The following ARHGAP15 variants were observed in gnomAD, a reference collection of about 807,000 sequenced individuals.
ARHGAP15 encodes rho GTPase-activating protein 15.
In ARHGAP15, 51 loss-of-function variants were observed where a neutral mutation model predicts 63.7. The ratio of observed to expected loss-of-function variants is 0.80; its 90% CI spans 0.64 to 1.01. The LOEUF is 1.01. ARHGAP15 is among the 50% of genes least tolerant of loss of function. ARHGAP15 has a pLI of 0.00. For synonymous variants in ARHGAP15, 191 were observed against 193.8 expected (o/e 0.99, Z 0.12); for missense variants, 560 against 564.6 (o/e 0.99, Z 0.08).
At chr2:143,523,885 G>T (rs924660859) in intron 10 of ARHGAP15, among the ~76,000 whole-genome samples, 3 of 152,120 alleles carry the variant, frequency 2.0e-5, no homozygotes, top group African/African-American at 7.2e-5. Flanking sequence ...ATTAGGAAGA[G>T]AAATTGTATG....
chr2:143,631,852 CTTCACGTGGACTAATACTATT>C (rs1271509984), intron 12 of ARHGAP15, among the ~76,000 whole-genome samples: 3 of 145,660 alleles, frequency 2.1e-5, no homozygotes, highest in African/African-American at 7.4e-5. Flanking sequence ...CTTGCTGTGC[CTTCACGTGGACTAATACTATT>C]TTCTTCAACA....
chr2:143,576,959 T>C (rs978495996), intron 11 of ARHGAP15, among the ~76,000 whole-genome samples: 1 of 152,160 alleles, frequency 6.6e-6, no homozygotes, highest in Admixed American at 6.6e-5. Flanking sequence ...TCTTTCTGTC[T>C]ACAAAGCTGT....
intron 6 of ARHGAP15, among the ~76,000 whole-genome samples, chr2:143,272,363 G>T (rs2105054922): frequency 6.6e-6 from 1 of 152,208 alleles, no homozygotes; most frequent in East Asian, 1.9e-4. Context: ...AGGCACAGTG[G>T]CTCACTCCTG....
chr2:143,290,768 T>C (rs779401992), intron 6 of ARHGAP15, among the ~76,000 whole-genome samples: 2 of 152,004 alleles, frequency 1.3e-5, no homozygotes, highest in Non-Finnish European at 2.9e-5. Context: ...TCAAATACTT[T>C]TTAACAGTAA....
intron 9 of ARHGAP15, among the ~76,000 whole-genome samples, chr2:143,517,568 C>T (rs1370851485): frequency 1.3e-5 from 2 of 152,130 alleles, no homozygotes; most frequent in East Asian, 3.8e-4. Context: ...TGTCTAGGTA[C>T]TCAGGATCCA....
At chr2:143,332,844 A>G (rs1443754964) in intron 6 of ARHGAP15, among the ~76,000 whole-genome samples, 1 of 152,106 alleles carries the variant, frequency 6.6e-6, no homozygotes, top group Non-Finnish European at 1.5e-5. Flanking sequence ...TAAGTGTCAA[A>G]TATTATTAGT....
chr2:143,307,156 G>A (rs1683211746), intron 6 of ARHGAP15, among the ~76,000 whole-genome samples: 1 of 152,024 alleles, frequency 6.6e-6, no homozygotes, highest in Non-Finnish European at 1.5e-5. Context: ...CCCTTTTTCT[G>A]GGGAAGGGCT....
intron 6 of ARHGAP15, among the ~76,000 whole-genome samples, chr2:143,398,833 A>T (rs1687879638): frequency 6.6e-6 from 1 of 150,854 alleles, no homozygotes; most frequent in Non-Finnish European, 1.5e-5. Flanking sequence ...TGACCTGGCT[A>T]GACAGATAAT....
intron 5 of ARHGAP15, among the ~76,000 whole-genome samples, chr2:143,249,836 C>T (rs964678445): frequency 6.6e-6 from 1 of 152,056 alleles, no homozygotes; most frequent in Admixed American, 6.6e-5. Context: ...CATTTTAATC[C>T]TTTTGGTCTA....
rs1425239690 is a variant in ARHGAP15, at chr2:143,624,188, A to G, written c.1059A>G (p.Gly353=). The change falls in exon 12 of 14, where the codon GGA becomes GGG. Residue 353 remains glycine (G), a synonymous_variant. Coordinates refer to ENST00000295095, the MANE Select transcript of ARHGAP15 (RefSeq NM_018460.4). ...SQWEDIHVVT[G]ALKMFFRELP... ...GGGAGGACATCCACGTTGTCACCGG[A>G]GCACTGAAGATGTTTTTCCGGGAGC... 2 of 1,613,716 alleles carry G rather than the reference A, an allele frequency of 1.2e-6. No homozygotes were observed. The highest frequency in any genetic ancestry group is 1.3e-5 in the African/African-American group (1 of 75,012).
chr2:143,525,881 G>C (rs1694250035), intron 10 of ARHGAP15, among the ~76,000 whole-genome samples: 1 of 152,242 alleles, frequency 6.6e-6, no homozygotes, highest in East Asian at 1.9e-4. Flanking sequence ...GAGAGGCGGG[G>C]GAAAAGCTGC....
chr2:143,506,820 T>C (rs890791008), intron 9 of ARHGAP15, among the ~76,000 whole-genome samples: 2 of 152,188 alleles, frequency 1.3e-5, no homozygotes, highest in Non-Finnish European at 2.9e-5. Context: ...TGAGAAAATA[T>C]TAGACTAATT....
At chr2:143,295,223 G>A (rs1558872691) in intron 6 of ARHGAP15, among the ~76,000 whole-genome samples, 1 of 152,038 alleles carries the variant, frequency 6.6e-6, no homozygotes, top group African/African-American at 2.4e-5. Flanking sequence ...GAGAGAAAAG[G>A]TTTCTTCCTG....
intron 13 of ARHGAP15, among the ~76,000 whole-genome samples, chr2:143,738,749 G>T (rs909219302): frequency 6.6e-6 from 1 of 152,160 alleles, no homozygotes; most frequent in Non-Finnish European, 1.5e-5. Context: ...CAAATCACAT[G>T]CTTTGCTTTG....
chr2:143,532,858 T>C (rs1559032482), intron 10 of ARHGAP15, among the ~76,000 whole-genome samples: 1 of 152,198 alleles, frequency 6.6e-6, no homozygotes, highest in Non-Finnish European at 1.5e-5. Flanking sequence ...GGGCAATGCA[T>C]TGGGTAGAGG....
At chr2:143,643,390 G>A (rs2105278859) in intron 12 of ARHGAP15, among the ~76,000 whole-genome samples, 1 of 151,584 alleles carries the variant, frequency 6.6e-6, no homozygotes, top group Non-Finnish European at 1.5e-5. Flanking sequence ...ATTTTCTGGA[G>A]CAAGATTCCT....
intron 6 of ARHGAP15, among the ~76,000 whole-genome samples, chr2:143,331,318 T>C (rs1206866422): frequency 6.6e-6 from 1 of 152,044 alleles, no homozygotes; most frequent in African/African-American, 2.4e-5. Context: ...CCATCCCAAC[T>C]TTTTATAAAA....
chr2:143,275,020 T>A lies in ARHGAP15; in HGVS notation c.474+24420T>A, dbSNP rs892415584. On this transcript the variant is annotated intron_variant, in intron 6 of 13. Transcript: ENST00000295095. ...TACTAAAAATTAAAAAAAAAAAAAATTAGCTGGATGTGTCCCAGATACTTA... is the reference window on the plus strand; with the variant it reads ...TACTAAAAATTAAAAAAAAAAAAAAATAGCTGGATGTGTCCCAGATACTTA... Among the ~76,000 whole-genome samples the A allele has an allele frequency of 1.1e-4, 15 of 140,026 alleles. 1 individual carries two copies. In the South Asian group the frequency reaches 2.1e-3, roughly 20 times the overall value. 91.9% of individuals were successfully genotyped at this position (140,026 alleles called of 152,430 possible).
chr2:143,493,079 T>C (rs1448264695), intron 9 of ARHGAP15, among the ~76,000 whole-genome samples: 1 of 151,434 alleles, frequency 6.6e-6, no homozygotes, highest in African/African-American at 2.4e-5. Context: ...AAAAAAACCA[T>C]CAATTAATCA....
Sources: allele counts gnomAD v4.1 joint callset (sites outside exome capture counted in the v4.1 genomes callset), GRCh38; gene constraint gnomAD v4.1.1; transcripts MANE v1.5; gene names NCBI Gene and HGNC (gene_info 2026-07-23, HGNC 2026-07-21).